Variants in MALT1 observed in about 807,000 individuals in gnomAD.
The protein encoded by MALT1 is mucosa-associated lymphoid tissue lymphoma translocation protein 1.
A neutral mutation model predicts 85.5 loss-of-function variants in MALT1; 36 were observed. The ratio of observed to expected loss-of-function variants is 0.42; its 90% confidence interval spans 0.32 to 0.56. The LOEUF (loss-of-function observed/expected upper bound fraction) is 0.56, where lower values mean the gene tolerates loss of function less well. Ranked by LOEUF, MALT1 falls within the 20% of genes least tolerant of loss-of-function variation. The pLI is 0.10. For synonymous variants in MALT1, 359 were observed against 361.3 expected, an observed-to-expected ratio of 0.99 and a Z score of 0.07; for missense variants, 716 against 981.6, an observed-to-expected ratio of 0.73 and a Z score of 3.62.
rs1171659103 is a variant in MALT1, at chr18:58,752,097, G to A, written c.*4255G>A. 6.6e-6 allele frequency: 1 copy of A among 152,318 alleles called. No individual in the cohort carries two copies. Among genetic ancestry groups the A allele is most frequent in the East Asian group, 1.9e-4 (1 of 5,188 alleles). 9.4% of individuals were successfully genotyped at this position (152,318 alleles called of 1,614,324 possible). A position where few individuals can be genotyped will look rare whatever the true frequency, so the allele number is the denominator to read the frequency against. ...TCGCAATTTTTTGACTTGTCAAATT[G>A]AAGAAATTCAATTATGTAGCCAGAG... On this transcript the variant is annotated 3_prime_UTR_variant, in exon 17 of 17. Transcript: ENST00000649217.
chr18:58,702,440 T>C (rs545318702), intron 4 of MALT1, among the ~76,000 whole-genome samples: 1 of 151,856 alleles, frequency 6.6e-6, no homozygotes, highest in Non-Finnish European at 1.5e-5. Flanking sequence ...TGCTATTTCC[T>C]GAAGTTACTC....
In MALT1 at chr18:58,752,800, AAAAAT is replaced by A. The variant is rs1213503920; in HGVS notation, c.*4965_*4969del. The A allele has an allele frequency of 6.6e-6, 1 of 152,210 alleles. No homozygotes were observed. Among genetic ancestry groups the A allele is most frequent in the Non-Finnish European group, 1.5e-5 (1 of 68,036 alleles). The allele number at this position is 152,210 out of a possible 1,614,324, so 9.4% of individuals were successfully genotyped here. ...GGACGACAGGGCAAGACGCTGTCTCAAAAATAAAATATTAGTAAAGAAGAGTACAA... is the reference window on the plus strand; with the variant it reads ...GGACGACAGGGCAAGACGCTGTCTCAAAAATATTAGTAAAGAAGAGTACAA... On this transcript the variant is annotated 3_prime_UTR_variant, in exon 17 of 17. Transcript: ENST00000649217.
intron 13 of MALT1, 41 bp downstream of exon 13, chr18:58,735,370 G>A: frequency 6.4e-7 from 1 of 1,563,676 alleles, no homozygotes; most frequent in Non-Finnish European, 8.6e-7. Context: ...AGAAAAAGGA[G>A]AGCAGGGGAG....
intron 14 of MALT1, among the ~76,000 whole-genome samples, chr18:58,743,977 G>A (rs1053474980): frequency 7.9e-5 from 12 of 151,958 alleles, no homozygotes; most frequent in African/African-American, 2.9e-4. Flanking sequence ...ATATTCAAGA[G>A]TTAACAGAAT....
chr18:58,698,067 G>GTTTTTTT (rs796905674), intron 3 of MALT1, among the ~76,000 whole-genome samples: 3 of 74,976 alleles, frequency 4.0e-5, no homozygotes, highest in Non-Finnish European at 6.4e-5. Flanking sequence ...GTTTTGTTTT[G>GTTTTTTT]TTTTTTTGTT....
chr18:58,725,933 C>T (rs1371551951), intron 10 of MALT1, among the ~76,000 whole-genome samples: 1 of 152,082 alleles, frequency 6.6e-6, no homozygotes, highest in African/African-American at 2.4e-5. Context: ...TGATGGTGGG[C>T]ACCTGTAATC....
chr18:58,745,537 G>T, intron 15 of MALT1, 129 bp from the exon 16 acceptor site: 3 of 707,520 alleles, frequency 4.2e-6, no homozygotes, highest in South Asian at 4.0e-5. Flanking sequence ...ATAATTTTGG[G>T]ATTACCAAAA....
At chr18:58,687,853 G>A (rs953583227) in intron 2 of MALT1, among the ~76,000 whole-genome samples, 8 of 152,058 alleles carry the variant, frequency 5.3e-5, no homozygotes, top group African/African-American at 1.4e-4. Context: ...CTTGTTTATC[G>A]GCATATGTGT....
intron 2 of MALT1, among the ~76,000 whole-genome samples, chr18:58,689,480 C>T (rs1292467174): frequency 1.3e-5 from 2 of 152,220 alleles, no homozygotes; most frequent in African/African-American, 4.8e-5. Context: ...TCAACAAACA[C>T]GTGTTGAACA....
chr18:58,709,949 C>G (rs769673724), intron 5 of MALT1, 27 bp from the exon 6 acceptor site: 15 of 1,353,840 alleles, frequency 1.1e-5, no homozygotes, highest in African/African-American at 2.9e-5. Flanking sequence ...GAAGAGGAAG[C>G]ATTTACATGT....
At position 58,737,828 on chromosome 18, in the gene MALT1, C is replaced by T. The variant is rs147439379; in HGVS notation, c.1603+2499C>T. 1.9e-4 allele frequency among the ~76,000 whole-genome samples: 29 copies of T among 152,290 alleles called. No individual in the cohort carries two copies. In the East Asian group the frequency reaches 5.6e-3, roughly 29 times the overall value. On this transcript the variant is annotated intron_variant, in intron 13 of 16. Transcript: ENST00000649217. ...GAACTCCTGGCCTCAAGTGATCCAC[C>T]GGCCTCAGCCTCCCAAAGTTCTGGG...
At chr18:58,715,403 C>T (rs1396575950) in intron 8 of MALT1, among the ~76,000 whole-genome samples, 1 of 152,016 alleles carries the variant, frequency 6.6e-6, no homozygotes, top group Admixed American at 6.6e-5. Flanking sequence ...ATGTATTTGA[C>T]CAGTAGTACA....
intron 1 of MALT1, chr18:58,672,247 T>C (rs972003795): frequency 3.3e-4 from 55 of 165,556 alleles, no homozygotes; most frequent in Non-Finnish European, 6.1e-4. Context: ...TGGACACTGC[T>C]CTGGGAGACC....
rs915557837 is a variant in MALT1 at position 58,751,773 on chromosome 18, C to G, written c.*3931C>G. 6.6e-6 allele frequency: 1 copy of G among 152,126 alleles called. No individual in the cohort carries two copies. Among genetic ancestry groups the G allele is most frequent in the Non-Finnish European group, 1.5e-5 (1 of 68,006 alleles). The allele number at this position is 152,126 out of a possible 1,614,324, so 9.4% of individuals were successfully genotyped here. ...GGCTCACCCAAATTCAAAGCCAATA[C>G]TTGATGCTGAGAGGGGATATTTTCT... On this transcript the variant is annotated 3_prime_UTR_variant, in exon 17 of 17. Coordinates refer to ENST00000649217, the MANE Select transcript of MALT1 (RefSeq NM_006785.4).
At chr18:58,704,232 T>C (rs2054713957) in intron 4 of MALT1, among the ~76,000 whole-genome samples, 1 of 152,238 alleles carries the variant, frequency 6.6e-6, no homozygotes, top group Non-Finnish European at 1.5e-5. Flanking sequence ...GATATATGTT[T>C]AATTTTTCTT....
At chr18:58,746,457 TTG>T (rs2055368308) in intron 16 of MALT1, among the ~76,000 whole-genome samples, 2 of 152,228 alleles carry the variant, frequency 1.3e-5, no homozygotes, top group South Asian at 4.1e-4. Context: ...GTTCTGCACA[TTG>T]AGTGTTCTAA....
chr18:58,727,657 AG>A (rs912844460), intron 10 of MALT1, among the ~76,000 whole-genome samples: 1 of 135,448 alleles, frequency 7.4e-6, no homozygotes, highest in African/African-American at 3.0e-5. Context: ...AAAAAAAGTC[AG>A]GGGGTTTAAA....
At chr18:58,709,304 C>G in intron 4 of MALT1, 74 bp from the exon 5 acceptor site, 1 of 971,724 alleles carries the variant, frequency 1.0e-6, no homozygotes. Context: ...GGGAACTTGA[C>G]ACATCTCTTT....
At chr18:58,731,055 G>A (rs1412040571) in intron 10 of MALT1, among the ~76,000 whole-genome samples, 9 of 152,030 alleles carry the variant, frequency 5.9e-5, no homozygotes, top group Non-Finnish European at 1.2e-4. Flanking sequence ...AGGTTCAAGC[G>A]ATTCTCCTGC....
Sources: allele counts gnomAD v4.1 joint callset (sites outside exome capture counted in the v4.1 genomes callset), GRCh38; gene constraint gnomAD v4.1.1; transcripts MANE v1.5; gene names NCBI Gene and HGNC (gene_info 2026-07-23, HGNC 2026-07-21).